Variants in MAST3 observed in about 807,000 individuals in gnomAD.
MAST3 encodes the protein microtubule-associated serine/threonine-protein kinase 3.
MAST3 carries 43 observed loss-of-function variants against 127.0 expected under a neutral mutation model. The ratio of observed to expected loss-of-function variants is 0.34; its 90% confidence interval spans 0.27 to 0.44. The LOEUF (loss-of-function observed/expected upper bound fraction) is 0.44. Ranked by LOEUF, MAST3 falls within the 20% of genes least tolerant of loss-of-function variation. The probability of loss-of-function intolerance (pLI) is 1.00; values close to 1 mark genes in which losing one functional copy is unlikely to be tolerated. For missense variants in MAST3, 1,390 were observed against 1,919.1 expected (o/e 0.72, Z 5.15); for synonymous variants, 785 against 809.2 (o/e 0.97, Z 0.51).
At position 18,104,264 on chromosome 19, in the gene MAST3, C is replaced by T. The variant is rs554566287; in HGVS notation, c.40-3323C>T. Among the ~76,000 whole-genome samples, 70 of 147,574 alleles carry T rather than the reference C, an allele frequency of 4.7e-4. 1 individual carries two copies. The highest frequency in any genetic ancestry group is 1.7e-3 in the African/African-American group (67 of 39,784). On this transcript the variant is annotated intron_variant, in intron 1 of 27. Transcript: ENST00000687212. Reference sequence around the variant, plus strand: ...GGGAAGAAGGAGACCCTAATGGCCACGGTGATGGTGGTGATGGTTCCATCA... The same window carrying T: ...GGGAAGAAGGAGACCCTAATGGCCATGGTGATGGTGGTGATGGTTCCATCA...
intron 1 of MAST3, among the ~76,000 whole-genome samples, chr19:18,105,532 C>G (rs2038000472): frequency 8.1e-6 from 1 of 123,314 alleles, no homozygotes; most frequent in East Asian, 2.5e-4. Flanking sequence ...AACCCTGTCT[C>G]TTCTAAAAAA....
chr19:18,109,587 G>C (rs1260085459), intron 2 of MAST3, among the ~76,000 whole-genome samples: 1 of 152,166 alleles, frequency 6.6e-6, no homozygotes, highest in Non-Finnish European at 1.5e-5. Flanking sequence ...CCCCCAGACC[G>C]TGGGGTTTGC....
Position 18,151,409 on chromosome 19 carries a change from G to C in MAST3, c.*1683G>C, listed in dbSNP as rs1224026973. 2.6e-5 allele frequency: 4 copies of C among 152,212 alleles called. No individual in the cohort carries two copies. The highest frequency in any genetic ancestry group is 6.6e-5 in the Admixed American group (1 of 15,266). 9.4% of individuals were successfully genotyped at this position (152,212 alleles called of 1,614,324 possible). On this transcript the variant is annotated 3_prime_UTR_variant, in exon 28 of 28. Transcript: ENST00000687212. ...GGAGTCGTGGCAGAACGGAGCATCA[G>C]CCAGACCCTGTTGTGGGCGTTGTCA...
rs1017055747 is a variant in MAST3, at chr19:18,110,007, G to C, written c.72-645G>C. On this transcript the variant is annotated intron_variant, in intron 2 of 27. Transcript: ENST00000687212. This position sits in a 1 kb window ranked among gnomAD's most constrained non-coding sequence, Gnocchi z 4.3. ...CCTTCCCTTCCGGGGCGCAGCTCGG[G>C]GGCTCCCAAGCCGGCGGCCTCGGCG... 1.0e-6 allele frequency: 1 copy of C among 985,274 alleles called. No homozygotes were observed. The highest frequency in any genetic ancestry group is 1.7e-5 in the African/African-American group (1 of 57,226). The allele number at this position is 985,274 out of a possible 1,614,324, so 61.0% of individuals were successfully genotyped here. A position where few individuals can be genotyped will look rare whatever the true frequency, so the allele number is the denominator to read the frequency against.
At chr19:18,105,544 A>G (rs963211941) in intron 1 of MAST3, among the ~76,000 whole-genome samples, 5 of 151,124 alleles carry the variant, frequency 3.3e-5, no homozygotes, top group Admixed American at 1.3e-4. Flanking sequence ...TCTAAAAAAA[A>G]AAAAAAAAGT....
chr19:18,143,156 G>T (rs543048548), intron 21 of MAST3, among the ~76,000 whole-genome samples: 1 of 151,816 alleles, frequency 6.6e-6, no homozygotes, highest in Non-Finnish European at 1.5e-5. Flanking sequence ...CAGAGATGGG[G>T]TCTCCTTATG....
At chr19:18,122,628 CAG>C (rs1227443028) in intron 5 of MAST3, 43 bp from the exon 6 acceptor site, 2 of 1,550,828 alleles carry the variant, frequency 1.3e-6, no homozygotes, top group African/African-American at 2.7e-5. Flanking sequence ...CCACAAACCA[CAG>C]GGGCCAGGCC....
chr19:18,129,162 CT>C lies in MAST3; in HGVS notation c.1223+214del, dbSNP rs2040988951. 5.2e-6 allele frequency: 3 copies of C among 574,710 alleles called. No homozygotes were observed. The East Asian group carries it at 8.8e-5, about 17-fold the overall frequency. 35.6% of individuals were successfully genotyped at this position (574,710 alleles called of 1,614,324 possible). On this transcript the variant is annotated intron_variant, in intron 13 of 27. Coordinates refer to ENST00000687212, the MANE Select transcript of MAST3 (RefSeq NM_001393504.1). ...TGTGTGCTCTGTCCACGAGCCAGGCCTTTACCTGCCCCAGGTGTAGGGCGTT... is the reference window on the plus strand; with the variant it reads ...TGTGTGCTCTGTCCACGAGCCAGGCCTTACCTGCCCCAGGTGTAGGGCGTT...
intron 3 of MAST3, among the ~76,000 whole-genome samples, chr19:18,121,016 C>T (rs542335102): frequency 4.0e-5 from 6 of 151,520 alleles, no homozygotes; most frequent in African/African-American, 1.2e-4. Context: ...TCACCATGCC[C>T]GACCTAATTT....
At position 18,149,856 on chromosome 19, in the gene MAST3, C is replaced by T; in HGVS notation, c.*130C>T. ...CCAGAAGGCGAGAAGCCATCTCGGT[C>T]CTTGCTGGAAGGTGGAGACATCGCT... is the stretch of plus-strand genomic sequence containing the variant. On this transcript the variant is annotated 3_prime_UTR_variant, in exon 28 of 28. Coordinates refer to ENST00000687212, the MANE Select transcript of MAST3 (RefSeq NM_001393504.1). The surrounding 1 kb of genome is among the most constrained non-coding windows in gnomAD (Gnocchi z 5.9). 1 of 1,348,486 alleles carries T rather than the reference C, an allele frequency of 7.4e-7. No individual in the cohort carries two copies. Among genetic ancestry groups the T allele is most frequent in the Non-Finnish European group, 1.0e-6 (1 of 1,001,746 alleles). 83.5% of individuals were successfully genotyped at this position (1,348,486 alleles called of 1,614,324 possible).
At chr19:18,141,746 G>A (rs971403363) in intron 20 of MAST3, 136 bp from the exon 21 acceptor site, 1 of 581,350 alleles carries the variant, frequency 1.7e-6, no homozygotes, top group Non-Finnish European at 2.6e-6. Flanking sequence ...TTTTGAGACA[G>A]GGTTTTGCTA....
chr19:18,133,105 A>C (rs1294281397), intron 15 of MAST3, among the ~76,000 whole-genome samples: 1 of 152,144 alleles, frequency 6.6e-6, no homozygotes, highest in African/African-American at 2.4e-5. Context: ...TCTTAAAAAA[A>C]AAAAAAAGCG....
intron 1 of MAST3, among the ~76,000 whole-genome samples, chr19:18,098,463 TCA>T (rs1045548351): frequency 2.0e-5 from 3 of 152,126 alleles, no homozygotes; most frequent in African/African-American, 7.2e-5. Flanking sequence ...TCTCTGGGCC[TCA>T]GTTTTCCAAT....
chr19:18,116,982 A>G (rs2039349192), intron 3 of MAST3, among the ~76,000 whole-genome samples: 1 of 150,744 alleles, frequency 6.6e-6, no homozygotes, highest in African/African-American at 2.4e-5. Flanking sequence ...CTGGGTCCCA[A>G]AGTGTCCTGT....
chr19:18,144,862 G>A lies in MAST3; in HGVS notation c.2813-141G>A, dbSNP rs978542435. 101 of 868,896 alleles carry A rather than the reference G, an allele frequency of 1.2e-4. 1 individual carries two copies. Among genetic ancestry groups the A allele is most frequent in the Middle Eastern group, 7.3e-4 (3 of 4,130 alleles). The allele number at this position is 868,896 out of a possible 1,614,324, so 53.8% of individuals were successfully genotyped here. ...GTGTTCCCAGTAGAGGGCACTGCAC[G>A]TGCAAAGGCCTGGTGGGGTGACCAT... On this transcript the variant is annotated intron_variant, in intron 23 of 27. Transcript: ENST00000687212. This position sits in a 1 kb window ranked among gnomAD's most constrained non-coding sequence, Gnocchi z 4.0.
intron 1 of MAST3, among the ~76,000 whole-genome samples, chr19:18,101,171 AC>A (rs2037576034): frequency 6.6e-6 from 1 of 152,130 alleles, no homozygotes. Context: ...TTTGCTTTAC[AC>A]ATGACCGAAT....
Position 18,144,145 on chromosome 19 carries a change from A to T in MAST3, c.2584+138A>T. ...TTAAGAGAGGAGAAGCCAGGGTCCC[A>T]GAGAGACCCCCAGCCCCCAAGGAAC... On this transcript the variant is annotated intron_variant, in intron 22 of 27. Transcript: ENST00000687212. This position sits in a 1 kb window ranked among gnomAD's most constrained non-coding sequence, Gnocchi z 4.0. The T allele has an allele frequency of 7.9e-7, 1 of 1,262,522 alleles. No homozygotes were observed. The highest frequency in any genetic ancestry group is 1.1e-6 in the Non-Finnish European group (1 of 938,000). 78.2% of individuals were successfully genotyped at this position (1,262,522 alleles called of 1,614,324 possible).
Position 18,145,946 on chromosome 19 carries a change from TC to T in MAST3, c.3162+83del. ...TCCCGGTTCCCCGTGGTTCTCCGCG[TC>T]CAGACACACAACCCCACATTCAATG... On this transcript the variant is annotated intron_variant, in intron 25 of 27. Coordinates refer to ENST00000687212, the MANE Select transcript of MAST3 (RefSeq NM_001393504.1). The surrounding 1 kb of genome is among the most constrained non-coding windows in gnomAD (Gnocchi z 5.9). 6.8e-7 allele frequency: 1 copy of T among 1,461,368 alleles called. No homozygotes were observed. Among genetic ancestry groups the T allele is most frequent in the Non-Finnish European group, 9.0e-7 (1 of 1,107,468 alleles). The allele number at this position is 1,461,368 out of a possible 1,614,324, so 90.5% of individuals were successfully genotyped here. A position where few individuals can be genotyped will look rare whatever the true frequency, so the allele number is the denominator to read the frequency against.
rs563132950 is a variant in MAST3 at position 18,149,627 on chromosome 19, G to A, written c.3945G>A (p.Pro1315=). The change falls in exon 28 of 28, where the codon CCG becomes CCA. Residue 1315 remains proline, a synonymous_variant. Transcript: ENST00000687212. The surrounding 1 kb of genome is among the most constrained non-coding windows in gnomAD (Gnocchi z 5.9). ...TGCAGGAGGTTAGCTTCGATGAGCC[G>A]CAGGAGGAGGCCACTGGGCTGCCCA... is the stretch of plus-strand genomic sequence containing the variant. ...EAVQEVSFDE[P]QEEATGLPTS... The A allele has an allele frequency of 3.0e-5, 48 of 1,613,180 alleles. No homozygotes were observed. Among genetic ancestry groups the A allele is most frequent in the Admixed American group, 1.7e-4 (10 of 60,002 alleles).
Sources: gnomAD v4.1 joint callset for allele counts (sites outside exome capture counted in the v4.1 genomes callset) on GRCh38, gnomAD v4.1.1 for gene constraint, Gnocchi (gnomAD v3.1) non-coding constraint, MANE v1.5 for transcripts, NCBI Gene and HGNC (gene_info 2026-07-23, HGNC 2026-07-21) for gene names.